EEIG2: variants seen among roughly 807,000 people sequenced by gnomAD.
The protein encoded by EEIG2 is family with sequence similarity 102 member B.
chr1:108,575,587 A>G, the EEIG2 span, among the ~76,000 whole-genome samples: 15 of 152,364 alleles, frequency 9.8e-5, no homozygotes, highest in South Asian at 2.1e-3. Flanking sequence ...ATGAAAGGAT[A>G]AATGAAACCT....
chr1:108,607,959 TCCC>T, the EEIG2 span, among the ~76,000 whole-genome samples: 1 of 152,124 alleles, frequency 6.6e-6, no homozygotes, highest in Non-Finnish European at 1.5e-5. Flanking sequence ...ATCATATCGT[TCCC>T]CCATTTTTAG....
the EEIG2 span, among the ~76,000 whole-genome samples, chr1:108,576,021 G>C: frequency 1.3e-5 from 2 of 151,900 alleles, no homozygotes; most frequent in South Asian, 4.2e-4. Context: ...TATTTGTTTT[G>C]TGTGTGTGTG....
At chr1:108,611,298 TAATAAAAAGACTGTATA>T in the EEIG2 span, among the ~76,000 whole-genome samples, 1 of 152,232 alleles carries the variant, frequency 6.6e-6, no homozygotes, top group East Asian at 1.9e-4. Context: ...CATTTTTTGT[TAATAAAAAGACTGTATA>T]TAGACTTAGC....
At chr1:108,620,710 G>T in the EEIG2 span, among the ~76,000 whole-genome samples, 2 of 152,108 alleles carry the variant, frequency 1.3e-5, no homozygotes, top group African/African-American at 4.8e-5. Context: ...CCATATTTTT[G>T]AGTGAGGACA....
At chr1:108,576,656 A>G in the EEIG2 span, among the ~76,000 whole-genome samples, 1 of 146,602 alleles carries the variant, frequency 6.8e-6, no homozygotes, top group Non-Finnish European at 1.5e-5. Context: ...ATAGTATTCC[A>G]TGGTGTATAT....
At chr1:108,612,903 T>C in the EEIG2 span, among the ~76,000 whole-genome samples, 1 of 152,228 alleles carries the variant, frequency 6.6e-6, no homozygotes, top group Non-Finnish European at 1.5e-5. Context: ...CCCATGATGG[T>C]AAGTTATCTA....
At chr1:108,588,403 T>C in the EEIG2 span, among the ~76,000 whole-genome samples, 1 of 152,148 alleles carries the variant, frequency 6.6e-6, no homozygotes, top group South Asian at 2.1e-4. Context: ...CCATTGTAAT[T>C]GATAGGAGTG....
the EEIG2 span, among the ~76,000 whole-genome samples, chr1:108,590,425 AG>A: frequency 6.6e-6 from 1 of 152,336 alleles, no homozygotes; most frequent in Admixed American, 6.5e-5. Flanking sequence ...GGGCAAATTG[AG>A]GTGGACTATA....
chr1:108,593,826 G>A, the EEIG2 span, among the ~76,000 whole-genome samples: 1 of 152,100 alleles, frequency 6.6e-6, no homozygotes. Context: ...TGTTTTTTGA[G>A]ATAAAGCCTC....
chr1:108,582,609 T>C, the EEIG2 span, among the ~76,000 whole-genome samples: 1 of 152,208 alleles, frequency 6.6e-6, no homozygotes, highest in Non-Finnish European at 1.5e-5. Context: ...AGTTTTATGT[T>C]TGTTATTACT....
At chr1:108,585,871 A>T in the EEIG2 span, among the ~76,000 whole-genome samples, 1 of 152,036 alleles carries the variant, frequency 6.6e-6, no homozygotes, top group Non-Finnish European at 1.5e-5. Context: ...TCAAGAATGT[A>T]AACACCCTAC....
At chr1:108,616,335 C>T in the EEIG2 span, 2 of 1,221,524 alleles carry the variant, frequency 1.6e-6, no homozygotes, top group Non-Finnish European at 2.4e-6. Flanking sequence ...GTGAAGGAAG[C>T]ATTTTATAAT....
At chr1:108,629,438 G>T in the EEIG2 span, 1 of 529,644 alleles carries the variant, frequency 1.9e-6, no homozygotes, top group Non-Finnish European at 3.4e-6. Context: ...CTTTTAAATT[G>T]CCTATTTTAA....
the EEIG2 span, among the ~76,000 whole-genome samples, chr1:108,598,485 C>T: frequency 6.6e-6 from 1 of 151,930 alleles, no homozygotes; most frequent in African/African-American, 2.4e-5. Context: ...TGACAAGTAC[C>T]TCCAGGTCCA....
chr1:108,597,157 C>T, the EEIG2 span, among the ~76,000 whole-genome samples: 1 of 152,150 alleles, frequency 6.6e-6, no homozygotes, highest in African/African-American at 2.4e-5. Context: ...TGCTTGTCAT[C>T]TCAGATTTTT....
At chr1:108,617,656 G>A in the EEIG2 span, among the ~76,000 whole-genome samples, 1 of 152,192 alleles carries the variant, frequency 6.6e-6, no homozygotes, top group African/African-American at 2.4e-5. Flanking sequence ...GGAACGAGTA[G>A]AGATGGAAAA....
chr1:108,560,586 C>T, the EEIG2 span: 2 of 1,605,046 alleles, frequency 1.2e-6, no homozygotes, highest in Non-Finnish European at 1.7e-6. Flanking sequence ...TCCCGCGCCG[C>T]CTCGCCCCTT....
chr1:108,574,727 A>G, the EEIG2 span, among the ~76,000 whole-genome samples: 1 of 152,226 alleles, frequency 6.6e-6, no homozygotes, highest in Non-Finnish European at 1.5e-5. Flanking sequence ...TCCAGCCTGG[A>G]TGCCAAGAGC....
the EEIG2 span, chr1:108,636,130 G>C: frequency 6.6e-6 from 1 of 152,200 alleles, no homozygotes; most frequent in African/African-American, 2.4e-5. Context: ...TTCCATTTTA[G>C]CTCTCTGTAG....
Sources: allele counts gnomAD v4.1 joint callset (sites outside exome capture counted in the v4.1 genomes callset), GRCh38; gene constraint gnomAD v4.1.1; transcripts MANE v1.5; gene names NCBI Gene and HGNC (gene_info 2026-07-23, HGNC 2026-07-21).